DLGAP1: variants seen among roughly 807,000 people sequenced by gnomAD.
DLGAP1 encodes disks large-associated protein 1.
DLGAP1 carries 11 observed loss-of-function variants against 90.8 expected under a neutral mutation model. The ratio of observed to expected loss-of-function variants is 0.12; its 90% CI spans 0.08 to 0.20. The LOEUF (loss-of-function observed/expected upper bound fraction) is 0.20. DLGAP1 is among the 10% of genes least tolerant of loss of function. The probability of loss-of-function intolerance (pLI) is 1.00; values close to 1 mark genes in which losing one functional copy is unlikely to be tolerated. For synonymous variants in DLGAP1, 558 were observed against 540.7 expected, an observed-to-expected ratio of 1.03 and a Z score of -0.44; for missense variants, 1,050 against 1,333.8, an observed-to-expected ratio of 0.79 and a Z score of 3.31.
intron 1 of DLGAP1, among the ~76,000 whole-genome samples, chr18:4,284,701 T>C (rs1015107050): frequency 1.3e-5 from 2 of 152,180 alleles, no homozygotes; most frequent in Non-Finnish European, 2.9e-5. Flanking sequence ...GTCAGACCCA[T>C]GGCCTTCTGG....
intron 7 of DLGAP1, among the ~76,000 whole-genome samples, chr18:3,628,188 CTTTTTTTTTTTT>C (rs71160904): frequency 8.1e-6 from 1 of 123,676 alleles, no homozygotes; most frequent in Non-Finnish European, 1.7e-5. Flanking sequence ...GTGCTATATT[CTTTTTTTTTTTT>C]TTTTTTTGAG....
intron 3 of DLGAP1, among the ~76,000 whole-genome samples, chr18:3,968,295 T>C (rs1208406678): frequency 6.6e-6 from 1 of 152,196 alleles, no homozygotes; most frequent in African/African-American, 2.4e-5. Flanking sequence ...CGCTAGATCT[T>C]ACCCCAATTT....
intron 8 of DLGAP1, among the ~76,000 whole-genome samples, chr18:3,572,070 T>TG (rs1491293497): frequency 3.5e-4 from 12 of 34,718 alleles, no homozygotes; most frequent in Non-Finnish European, 6.1e-4. Context: ...TTCTTCTAGG[T>TG]TTTTTTTTTT....
intron 5 of DLGAP1, among the ~76,000 whole-genome samples, chr18:3,786,992 AGT>A (rs1238467811): frequency 2.0e-5 from 3 of 152,232 alleles, no homozygotes; most frequent in African/African-American, 7.2e-5. Flanking sequence ...GCAGTGAATA[AGT>A]ACCAAATGGT....
chr18:4,277,179 C>T (rs968635587), intron 1 of DLGAP1, among the ~76,000 whole-genome samples: 4 of 152,236 alleles, frequency 2.6e-5, no homozygotes, highest in East Asian at 1.9e-4. Context: ...GAGAAATAGG[C>T]GTGTTCCAAC....
intron 1 of DLGAP1, among the ~76,000 whole-genome samples, chr18:4,265,201 C>G (rs1472561312): frequency 6.7e-6 from 1 of 148,240 alleles, no homozygotes; most frequent in East Asian, 2.1e-4. Flanking sequence ...CGGAGTCTCC[C>G]TCTGTCACCC....
intron 1 of DLGAP1, among the ~76,000 whole-genome samples, chr18:4,164,924 A>G (rs1423490788): frequency 2.0e-5 from 3 of 152,214 alleles, no homozygotes; most frequent in Admixed American, 2.0e-4. Flanking sequence ...GAACCTAAGG[A>G]TAGATGAATT....
At chr18:4,121,727 C>T (rs2076156673) in intron 2 of DLGAP1, among the ~76,000 whole-genome samples, 1 of 152,164 alleles carries the variant, frequency 6.6e-6, no homozygotes, top group Non-Finnish European at 1.5e-5. Flanking sequence ...CTGCAAGACC[C>T]TGTTGCAGTG....
chr18:3,564,731 C>G (rs186490289), intron 9 of DLGAP1, among the ~76,000 whole-genome samples: 1 of 152,136 alleles, frequency 6.6e-6, no homozygotes, highest in Non-Finnish European at 1.5e-5. Context: ...TTACTGCTTA[C>G]GTTTTCTTAC....
intron 1 of DLGAP1, among the ~76,000 whole-genome samples, chr18:4,182,057 G>T (rs1178869948): frequency 6.6e-6 from 1 of 152,128 alleles, no homozygotes; most frequent in East Asian, 1.9e-4. Context: ...TCTTTCCAAA[G>T]CAGGAGTCGG....
At chr18:3,527,534 C>G (rs1010796493) in intron 10 of DLGAP1, among the ~76,000 whole-genome samples, 39 of 144,268 alleles carry the variant, frequency 2.7e-4, no homozygotes, top group African/African-American at 9.4e-4. Context: ...TCTTTAGCTG[C>G]TGCTGCCTAT....
At chr18:4,284,396 C>T (rs1207586089) in intron 1 of DLGAP1, among the ~76,000 whole-genome samples, 1 of 152,154 alleles carries the variant, frequency 6.6e-6, no homozygotes, top group South Asian at 2.1e-4. Context: ...CCAGTTAATG[C>T]ATCAAACGCT....
chr18:4,041,151 A>G (rs1266917030), intron 2 of DLGAP1, among the ~76,000 whole-genome samples: 3 of 152,184 alleles, frequency 2.0e-5, no homozygotes, highest in Non-Finnish European at 4.4e-5. Context: ...AACCTCAATT[A>G]CTTTTGCACT....
rs1170356517 is a variant in DLGAP1, at chr18:4,162,941, C to T, written c.-266-11654G>A. ...TTTTAAAAAAAAACATAATATCATT[C>T]TGTTTTGAGCTAGTCGCAAAGTACT... On this transcript the variant is annotated intron_variant, in intron 1 of 12. Transcript: ENST00000315677. Among the ~76,000 whole-genome samples, 3 of 151,940 alleles carry T rather than the reference C, an allele frequency of 2.0e-5. 1 individual carries two copies. The highest frequency in any genetic ancestry group is 7.3e-5 in the African/African-American group (3 of 41,362).
chr18:4,393,095 T>G (rs2082371302), intron 1 of DLGAP1, among the ~76,000 whole-genome samples: 1 of 152,222 alleles, frequency 6.6e-6, no homozygotes, highest in Non-Finnish European at 1.5e-5. Context: ...CTACAGTTGG[T>G]TTCTTTCCAG....
chr18:3,958,852 A>C (rs2073136487), intron 3 of DLGAP1, among the ~76,000 whole-genome samples: 1 of 152,156 alleles, frequency 6.6e-6, no homozygotes, highest in African/African-American at 2.4e-5. Context: ...GATTTTTCCC[A>C]AGCAAGTCCT....
At chr18:4,097,690 G>C (rs1345414861) in intron 2 of DLGAP1, among the ~76,000 whole-genome samples, 1 of 152,140 alleles carries the variant, frequency 6.6e-6, no homozygotes, top group Non-Finnish European at 1.5e-5. Context: ...CAATTTTCTT[G>C]GTTCTACTTT....
At chr18:4,243,729 G>T (rs922544010) in intron 1 of DLGAP1, among the ~76,000 whole-genome samples, 13 of 152,170 alleles carry the variant, frequency 8.5e-5, no homozygotes, top group Admixed American at 6.5e-4. Flanking sequence ...CTTGGCATCA[G>T]AAATGTTTAC....
At chr18:4,073,175 G>A (rs1203946715) in intron 2 of DLGAP1, among the ~76,000 whole-genome samples, 1 of 152,200 alleles carries the variant, frequency 6.6e-6, no homozygotes, top group Non-Finnish European at 1.5e-5. Context: ...ACATCAGCCT[G>A]CTTACTAGGC....
Sources: gnomAD v4.1 joint callset for allele counts (sites outside exome capture counted in the v4.1 genomes callset) on GRCh38, gnomAD v4.1.1 for gene constraint, MANE v1.5 for transcripts, NCBI Gene and HGNC (gene_info 2026-07-23, HGNC 2026-07-21) for gene names.